Variants in GALNT17 observed in about 807,000 individuals in gnomAD.
GALNT17 encodes polypeptide N-acetylgalactosaminyltransferase 17.
GALNT17 carries 29 observed loss-of-function variants against 63.7 expected under a neutral mutation model. The observed-to-expected ratio is 0.46, with a 90% CI of 0.34 to 0.62. GALNT17 has a LOEUF of 0.62. GALNT17 is among the 20% of genes least tolerant of loss of function. The pLI is 0.01. For synonymous variants in GALNT17, 305 were observed against 318.3 expected (o/e 0.96, Z 0.45); for missense variants, 603 against 799.6 (o/e 0.75, Z 2.97).
intron 5 of GALNT17, among the ~76,000 whole-genome samples, chr7:71,530,558 ATTTAT>A (rs1216246728): frequency 1.3e-5 from 2 of 148,238 alleles, no homozygotes; most frequent in African/African-American, 2.5e-5. Flanking sequence ...TTATTTATTT[ATTTAT>A]TTATTTATTT....
At chr7:71,147,535 A>G (rs1017636244) in intron 1 of GALNT17, among the ~76,000 whole-genome samples, 1 of 152,194 alleles carries the variant, frequency 6.6e-6, no homozygotes, top group Admixed American at 6.5e-5. Context: ...CACACCCAGG[A>G]TTAATATTTT....
At chr7:71,557,207 T>C (rs1789180028) in intron 5 of GALNT17, among the ~76,000 whole-genome samples, 1 of 152,130 alleles carries the variant, frequency 6.6e-6, no homozygotes, top group Non-Finnish European at 1.5e-5. Context: ...TACTTTCTTT[T>C]CATTTTGTTT....
intron 5 of GALNT17, among the ~76,000 whole-genome samples, chr7:71,494,807 G>A: frequency 6.6e-6 from 1 of 152,220 alleles, no homozygotes; most frequent in East Asian, 1.9e-4. Context: ...AATCACGGCT[G>A]AAGGCAAATG....
At chr7:71,460,913 T>G (rs1787441386) in intron 5 of GALNT17, among the ~76,000 whole-genome samples, 1 of 152,210 alleles carries the variant, frequency 6.6e-6, no homozygotes, top group Non-Finnish European at 1.5e-5. Flanking sequence ...GCTTCTTTAC[T>G]GCAACCTATT....
chr7:71,592,805 G>GA (rs1315288341), intron 6 of GALNT17, among the ~76,000 whole-genome samples: 3 of 152,092 alleles, frequency 2.0e-5, no homozygotes, highest in Non-Finnish European at 4.4e-5. Flanking sequence ...AGCTCAGCAA[G>GA]AAAAGTACTC....
At chr7:71,406,601 A>G (rs1334302944) in intron 3 of GALNT17, among the ~76,000 whole-genome samples, 2 of 152,164 alleles carry the variant, frequency 1.3e-5, no homozygotes, top group African/African-American at 4.8e-5. Flanking sequence ...ATTTTTAAAG[A>G]TAATATTTTA....
intron 1 of GALNT17, among the ~76,000 whole-genome samples, chr7:71,231,531 C>T (rs1189039111): frequency 6.6e-6 from 1 of 152,068 alleles, no homozygotes; most frequent in Non-Finnish European, 1.5e-5. Flanking sequence ...GACTGAGTGG[C>T]TTAAACGACA....
chr7:71,462,071 G>A (rs1563110888), intron 5 of GALNT17, among the ~76,000 whole-genome samples: 1 of 152,132 alleles, frequency 6.6e-6, no homozygotes, highest in Non-Finnish European at 1.5e-5. Flanking sequence ...TGCGATGGTG[G>A]GAGTGGGAGC....
At chr7:71,619,876 A>G (rs148092492) in intron 6 of GALNT17, among the ~76,000 whole-genome samples, 4 of 152,214 alleles carry the variant, frequency 2.6e-5, no homozygotes, top group Non-Finnish European at 4.4e-5. Flanking sequence ...TCAGTTCTCA[A>G]TGGGAACAAT....
intron 2 of GALNT17, among the ~76,000 whole-genome samples, chr7:71,341,408 C>T (rs1036312343): frequency 5.3e-5 from 8 of 151,990 alleles, no homozygotes; most frequent in Admixed American, 1.3e-4. Context: ...TCCCAGAATC[C>T]GTAGGATGTG....
chr7:71,289,206 T>C (rs1384376163), intron 1 of GALNT17, among the ~76,000 whole-genome samples: 1 of 122,354 alleles, frequency 8.2e-6, no homozygotes, highest in African/African-American at 2.8e-5. Context: ...TGACCACGTC[T>C]TTTTTTTTTT....
In GALNT17 at chr7:71,620,628, A is replaced by G. The variant is rs142605515; in HGVS notation, c.1081-44783A>G. Among the ~76,000 whole-genome samples the G allele has an allele frequency of 2.1e-3, 318 of 152,380 alleles. 2 individuals carry two copies. The highest frequency in any genetic ancestry group is 7.4e-3 in the African/African-American group (309 of 41,590). On this transcript the variant is annotated intron_variant, in intron 6 of 10. Coordinates refer to ENST00000333538, the MANE Select transcript of GALNT17 (RefSeq NM_022479.3). ...TTTAATTGATGCATAACGGATATACATAGTTTTGGGGTTGATGTGATCATT... is the reference window on the plus strand; with the variant it reads ...TTTAATTGATGCATAACGGATATACGTAGTTTTGGGGTTGATGTGATCATT...
At chr7:71,408,877 T>C (rs934299121) in intron 3 of GALNT17, among the ~76,000 whole-genome samples, 1 of 151,918 alleles carries the variant, frequency 6.6e-6, no homozygotes, top group Non-Finnish European at 1.5e-5. Context: ...TGTCTCTGTC[T>C]CTGTCTCTGT....
intron 1 of GALNT17, among the ~76,000 whole-genome samples, chr7:71,139,867 T>A (rs2116160489): frequency 6.6e-6 from 1 of 152,178 alleles, no homozygotes; most frequent in African/African-American, 2.4e-5. Flanking sequence ...GTGACGGGCA[T>A]CTGTAATCCC....
intron 9 of GALNT17, among the ~76,000 whole-genome samples, chr7:71,680,873 TCC>T (rs1491302421): frequency 1.3e-5 from 2 of 148,834 alleles, no homozygotes; most frequent in Non-Finnish European, 3.0e-5. Context: ...CTTCCTTCCT[TCC>T]TTCCTTTTCT....
chr7:71,615,324 T>A (rs186182430), intron 6 of GALNT17, among the ~76,000 whole-genome samples: 13 of 152,236 alleles, frequency 8.5e-5, no homozygotes, highest in Admixed American at 8.5e-4. Context: ...CTGAGTCACT[T>A]ATGTCCCTGG....
chr7:71,598,479 T>C (rs1456882810), intron 6 of GALNT17, among the ~76,000 whole-genome samples: 1 of 152,240 alleles, frequency 6.6e-6, no homozygotes, highest in Non-Finnish European at 1.5e-5. Context: ...GTTTAGTATT[T>C]CTCTTACCTG....
At chr7:71,162,137 C>G (rs1025572262) in intron 1 of GALNT17, among the ~76,000 whole-genome samples, 1 of 135,776 alleles carries the variant, frequency 7.4e-6, no homozygotes, top group Non-Finnish European at 1.6e-5. Context: ...TCCTTCCTTC[C>G]TTCCTTCCTT....
intron 5 of GALNT17, among the ~76,000 whole-genome samples, chr7:71,540,385 G>C (rs1395903861): frequency 6.6e-6 from 1 of 151,860 alleles, no homozygotes; most frequent in Non-Finnish European, 1.5e-5. Context: ...CCAAAGTGCT[G>C]GGATTACAGG....
Sources: gnomAD v4.1 joint callset for allele counts (sites outside exome capture counted in the v4.1 genomes callset) on GRCh38, gnomAD v4.1.1 for gene constraint, MANE v1.5 for transcripts, NCBI Gene and HGNC (gene_info 2026-07-23, HGNC 2026-07-21) for gene names.